Variants in ABCC4 observed in about 807,000 individuals in gnomAD.
ABCC4 encodes ATP-binding cassette sub-family C member 4.
ABCC4 carries 102 observed loss-of-function variants against 168.5 expected under a neutral mutation model. The ratio of observed to expected loss-of-function variants is 0.61; its 90% CI spans 0.52 to 0.71. The LOEUF is 0.71. ABCC4 is among the 30% of genes least tolerant of loss of function. ABCC4 has a pLI of 0.00. For missense variants in ABCC4, 1,402 were observed against 1,605.8 expected, an observed-to-expected ratio of 0.87 and a Z score of 2.17; for synonymous variants, 617 against 590.7, an observed-to-expected ratio of 1.04 and a Z score of -0.65.
At chr13:95,193,268 G>A (rs1309228359) in intron 9 of ABCC4, among the ~76,000 whole-genome samples, 1 of 152,210 alleles carries the variant, frequency 6.6e-6, no homozygotes, top group Non-Finnish European at 1.5e-5. Context: ...ACGCTACAAC[G>A]CAAGGTCAGC....
chr13:95,099,413 G>A (rs1019254797), intron 20 of ABCC4, among the ~76,000 whole-genome samples: 26 of 152,028 alleles, frequency 1.7e-4, no homozygotes, highest in Admixed American at 9.2e-4. Flanking sequence ...TGTTTTAGAG[G>A]GTGGATATTG....
intron 21 of ABCC4, among the ~76,000 whole-genome samples, chr13:95,081,891 T>C (rs1345421344): frequency 6.6e-6 from 1 of 152,082 alleles, no homozygotes; most frequent in Non-Finnish European, 1.5e-5. Flanking sequence ...TCCCAGCTAC[T>C]TGGGAGGCTG....
intron 1 of ABCC4, among the ~76,000 whole-genome samples, chr13:95,272,007 C>G (rs540766841): frequency 6.6e-6 from 1 of 152,064 alleles, no homozygotes; most frequent in African/African-American, 2.4e-5. Context: ...CCTGAGATAA[C>G]TTCCTCAGAG....
chr13:95,026,979 G>A (rs1042337371), intron 30 of ABCC4, among the ~76,000 whole-genome samples: 4 of 152,122 alleles, frequency 2.6e-5, no homozygotes, highest in Admixed American at 6.6e-5. Context: ...CAGACAACAC[G>A]AGAAGACCTT....
chr13:95,156,114 C>T (rs1383924929), intron 19 of ABCC4, among the ~76,000 whole-genome samples: 1 of 152,176 alleles, frequency 6.6e-6, no homozygotes, highest in African/African-American at 2.4e-5. Context: ...CAGCGTCTGC[C>T]TATTCCAGTT....
In ABCC4 at chr13:95,186,738, C is replaced by T. The variant is rs745673014; in HGVS notation, c.1508G>A (p.Arg503Gln). Residue 503 changes from arginine to glutamine, a missense_variant, in exon 11 of 31, where the codon CGA (arginine) becomes CAA (glutamine). Around this residue, in one of 3 missense-constraint regions of ABCC4, gnomAD observed 1,007 missense variants for 1,127.3 expected, o/e 0.89. Transcript: ENST00000645237. ...ACAAGCCTTTATGACTTTTTCATAT[C>T]GTTCCTTTTCGTATTTCTTCCCAAA... is the stretch of plus-strand genomic sequence containing the variant. ...ILFGKKYEKE[R>Q]YEKVIKACAL... 4.3e-6 allele frequency: 7 copies of T among 1,613,832 alleles called. No homozygotes were observed. The highest frequency in any genetic ancestry group is 4.5e-5 in the East Asian group (2 of 44,882).
At chr13:95,210,288 G>GCGCA (rs904245935) in intron 5 of ABCC4, among the ~76,000 whole-genome samples, 3 of 152,208 alleles carry the variant, frequency 2.0e-5, no homozygotes, top group African/African-American at 7.2e-5. Flanking sequence ...AGACCAGCCT[G>GCGCA]CGCAACAAGG....
chr13:95,195,012 G>A, intron 8 of ABCC4, 75 bp from the exon 9 acceptor site: 2 of 1,273,064 alleles, frequency 1.6e-6, no homozygotes, highest in Middle Eastern at 1.9e-4. Context: ...CTGCTTCCAT[G>A]GAATTTGTAA....
chr13:95,180,204 C>T (rs903087192), intron 11 of ABCC4, among the ~76,000 whole-genome samples: 2 of 152,156 alleles, frequency 1.3e-5, no homozygotes, highest in South Asian at 2.1e-4. Context: ...CATTATTTCA[C>T]GTTATCTCTT....
intron 3 of ABCC4, among the ~76,000 whole-genome samples, chr13:95,244,644 A>AGGAAGGAAG (rs1491487746): frequency 2.6e-5 from 1 of 38,460 alleles, no homozygotes; most frequent in Non-Finnish European, 5.0e-5. Flanking sequence ...AAAGAAAGAA[A>AGGAAGGAAG]GAAAGAAAGA....
At chr13:95,150,042 T>C (rs1174067434) in intron 19 of ABCC4, among the ~76,000 whole-genome samples, 1 of 152,172 alleles carries the variant, frequency 6.6e-6, no homozygotes, top group Non-Finnish European at 1.5e-5. Context: ...ACAGTAATCA[T>C]AGCTCACTGC....
chr13:95,113,339 C>T (rs1425001600), intron 20 of ABCC4, among the ~76,000 whole-genome samples: 1 of 152,144 alleles, frequency 6.6e-6, no homozygotes. Context: ...GCTAGCAGAG[C>T]TAATAGGCTT....
chr13:95,277,170 C>A lies in ABCC4; in HGVS notation c.74+24071G>T, dbSNP rs370021809. 4.6e-5 allele frequency among the ~76,000 whole-genome samples: 7 copies of A among 152,234 alleles called. No individual in the cohort carries two copies. The South Asian group carries it at 6.2e-4, about 14-fold the overall frequency. On this transcript the variant is annotated intron_variant, in intron 1 of 30. Coordinates refer to ENST00000645237, the MANE Select transcript of ABCC4 (RefSeq NM_005845.5). ...TTAACTCTTAAGCACCCACCACTAA[C>A]AGGCACTCTTATAGGTTCTAGACCT...
intron 8 of ABCC4, among the ~76,000 whole-genome samples, chr13:95,199,047 G>C (rs1321887174): frequency 6.6e-6 from 1 of 152,114 alleles, no homozygotes; most frequent in Admixed American, 6.5e-5. Context: ...GATGGGTGCA[G>C]CAAACCACCA....
At chr13:95,042,920 C>T (rs1296610412) in intron 29 of ABCC4, among the ~76,000 whole-genome samples, 1 of 152,152 alleles carries the variant, frequency 6.6e-6, no homozygotes, top group African/African-American at 2.4e-5. Flanking sequence ...CAGGCGCCTG[C>T]CACCACATCC....
intron 19 of ABCC4, among the ~76,000 whole-genome samples, chr13:95,129,378 T>C (rs1263152836): frequency 6.6e-6 from 1 of 152,236 alleles, no homozygotes; most frequent in African/African-American, 2.4e-5. Context: ...ATTTCTGATG[T>C]GTTCATTTGT....
At chr13:95,298,225 G>A (rs2041585331) in intron 1 of ABCC4, among the ~76,000 whole-genome samples, 1 of 152,106 alleles carries the variant, frequency 6.6e-6, no homozygotes, top group Non-Finnish European at 1.5e-5. Context: ...GGAGGCAGAG[G>A]TTGCAGTGAG....
At chr13:95,240,898 G>A (rs2039923361) in intron 3 of ABCC4, among the ~76,000 whole-genome samples, 1 of 152,054 alleles carries the variant, frequency 6.6e-6, no homozygotes, top group Non-Finnish European at 1.5e-5. Flanking sequence ...TTGAACCAAG[G>A]AGACAGAGGT....
chr13:95,084,844 G>A (rs1290708221), intron 20 of ABCC4, among the ~76,000 whole-genome samples: 2 of 152,152 alleles, frequency 1.3e-5, no homozygotes, highest in Admixed American at 1.3e-4. Flanking sequence ...AATTACCTTG[G>A]TCTAAAAGGT....
Sources: allele counts gnomAD v4.1 joint callset (sites outside exome capture counted in the v4.1 genomes callset), GRCh38; gene constraint gnomAD v4.1.1; regional missense constraint gnomAD v4.1.1; transcripts MANE v1.5; gene names NCBI Gene and HGNC (gene_info 2026-07-23, HGNC 2026-07-21).